Variants in LRRC4C observed in about 807,000 individuals in gnomAD.
The protein encoded by LRRC4C is leucine rich repeat containing 4C, also known as leucine-rich repeat-containing protein 4C.
In LRRC4C, 5 loss-of-function variants were observed where a neutral mutation model predicts 33.6. The observed-to-expected ratio is 0.15, with a 90% CI of 0.08 to 0.31. The LOEUF (loss-of-function observed/expected upper bound fraction) is 0.31. Among genes scored for constraint, LRRC4C ranks in the 10% least tolerant of loss-of-function variants. The pLI is 1.00. For synonymous variants in LRRC4C, 329 were observed against 302.0 expected (o/e 1.09, Z -0.93); for missense variants, 560 against 796.7 (o/e 0.70, Z 3.58).
At chr11:40,489,891 A>G (rs944874737) in intron 3 of LRRC4C, among the ~76,000 whole-genome samples, 2 of 152,150 alleles carry the variant, frequency 1.3e-5, no homozygotes, top group Non-Finnish European at 2.9e-5. Flanking sequence ...TTCATTTAAC[A>G]TACATTTATT....
At chr11:40,997,560 AG>A (rs2137331313) in intron 1 of LRRC4C, among the ~76,000 whole-genome samples, 1 of 152,260 alleles carries the variant, frequency 6.6e-6, no homozygotes, top group South Asian at 2.1e-4. Context: ...ATTTTGAAAA[AG>A]TTAGTTGTGA....
At chr11:40,661,763 A>C (rs983070561) in intron 2 of LRRC4C, among the ~76,000 whole-genome samples, 2 of 152,224 alleles carry the variant, frequency 1.3e-5, no homozygotes, top group African/African-American at 4.8e-5. Flanking sequence ...ATTGCTACTA[A>C]CTGCTATATG....
At chr11:40,494,113 T>C (rs2138545721) in intron 3 of LRRC4C, among the ~76,000 whole-genome samples, 1 of 152,190 alleles carries the variant, frequency 6.6e-6, no homozygotes, top group Non-Finnish European at 1.5e-5. Flanking sequence ...ATTGCTACCA[T>C]CGTGGGGTTC....
intron 1 of LRRC4C, among the ~76,000 whole-genome samples, chr11:40,944,032 C>T (rs572802251): frequency 1.3e-4 from 20 of 152,232 alleles, no homozygotes; most frequent in African/African-American, 4.3e-4. Flanking sequence ...GTCCTAAATA[C>T]GGACGGTAAA....
chr11:40,220,719 C>G (rs1864343167), intron 5 of LRRC4C, among the ~76,000 whole-genome samples: 1 of 151,908 alleles, frequency 6.6e-6, no homozygotes, highest in Non-Finnish European at 1.5e-5. Context: ...TTTTTTCTTA[C>G]TGTGAATGAA....
chr11:40,754,230 T>G (rs890996948), intron 2 of LRRC4C, among the ~76,000 whole-genome samples: 2 of 152,126 alleles, frequency 1.3e-5, no homozygotes, highest in African/African-American at 4.8e-5. Flanking sequence ...CTGGCTATCC[T>G]GACTCTAATA....
rs531039635 is a variant in LRRC4C at position 40,978,528 on chromosome 11, C to A, written c.-495-44805G>T. On this transcript the variant is annotated intron_variant, in intron 1 of 6. Transcript: ENST00000528697. ...CATTCTACAGTACATAGGACAGCCC[C>A]CTTCACAACAAAAGATTATCTGTCC... Among the ~76,000 whole-genome samples the A allele has an allele frequency of 4.6e-5, 7 of 152,256 alleles. No individual in the cohort carries two copies. In the South Asian group the frequency reaches 1.5e-3, roughly 32 times the overall value.
intron 3 of LRRC4C, among the ~76,000 whole-genome samples, chr11:40,532,611 A>G (rs867460564): frequency 6.6e-6 from 1 of 151,824 alleles, no homozygotes; most frequent in Non-Finnish European, 1.5e-5. Flanking sequence ...TAAGGGGTAT[A>G]AGATGAAAAA....
intron 2 of LRRC4C, among the ~76,000 whole-genome samples, chr11:40,772,647 G>A (rs185911985): frequency 6.6e-6 from 1 of 152,164 alleles, no homozygotes; most frequent in South Asian, 2.1e-4. Context: ...AAACTACATT[G>A]AGATATCATC....
chr11:41,394,501 T>G (rs1450693751), intron 1 of LRRC4C: 1 of 151,942 alleles, frequency 6.6e-6, no homozygotes, highest in Non-Finnish European at 1.5e-5. Flanking sequence ...AAAGCCAGCC[T>G]GGCTACTGAG....
At chr11:41,325,905 A>T (rs1264774576) in intron 1 of LRRC4C, among the ~76,000 whole-genome samples, 3 of 152,150 alleles carry the variant, frequency 2.0e-5, no homozygotes, top group African/African-American at 7.2e-5. Context: ...GATAACTATT[A>T]GGTACTGGGC....
intron 3 of LRRC4C, among the ~76,000 whole-genome samples, chr11:40,639,865 C>T (rs1415864114): frequency 1.3e-5 from 2 of 152,036 alleles, no homozygotes; most frequent in Non-Finnish European, 2.9e-5. Flanking sequence ...GAAAGTGATG[C>T]ACGGCCAATG....
At chr11:40,368,739 A>G (rs1395907648) in intron 3 of LRRC4C, among the ~76,000 whole-genome samples, 1 of 152,220 alleles carries the variant, frequency 6.6e-6, no homozygotes, top group African/African-American at 2.4e-5. Flanking sequence ...GTTTTGCCAT[A>G]CAAAGATAAG....
intron 5 of LRRC4C, among the ~76,000 whole-genome samples, chr11:40,162,900 C>T (rs79177763): frequency 1.2e-3 from 186 of 152,282 alleles, no homozygotes; most frequent in African/African-American, 4.0e-3. Context: ...TAGGATTTAA[C>T]TCTCAACTCT....
intron 1 of LRRC4C, among the ~76,000 whole-genome samples, chr11:41,348,839 G>C (rs1042558915): frequency 2.6e-5 from 4 of 152,164 alleles, no homozygotes; most frequent in African/African-American, 9.7e-5. Context: ...AGCTGCAGGA[G>C]ACTGGACAAC....
chr11:40,413,713 G>A (rs1950228550), intron 3 of LRRC4C, among the ~76,000 whole-genome samples: 1 of 152,104 alleles, frequency 6.6e-6, no homozygotes, highest in African/African-American at 2.4e-5. Flanking sequence ...GTAATGAAGT[G>A]AATGTTGTTT....
chr11:40,325,823 T>C (rs371465231), intron 3 of LRRC4C, among the ~76,000 whole-genome samples: 1 of 152,128 alleles, frequency 6.6e-6, no homozygotes, highest in Non-Finnish European at 1.5e-5. Flanking sequence ...ATAGCCTTTA[T>C]TGGTGAAATT....
At chr11:41,177,816 A>G (rs1565454134) in intron 1 of LRRC4C, among the ~76,000 whole-genome samples, 1 of 152,222 alleles carries the variant, frequency 6.6e-6, no homozygotes, top group Non-Finnish European at 1.5e-5. Context: ...GCCCACTACT[A>G]AAACACAGTC....
At chr11:40,134,534 A>C (rs1196212857) in intron 6 of LRRC4C, among the ~76,000 whole-genome samples, 1 of 152,198 alleles carries the variant, frequency 6.6e-6, no homozygotes, top group African/African-American at 2.4e-5. Flanking sequence ...GGAAGGGAAA[A>C]GGACAGTGGG....
Sources: gnomAD v4.1 joint callset for allele counts (sites outside exome capture counted in the v4.1 genomes callset) on GRCh38, gnomAD v4.1.1 for gene constraint, MANE v1.5 for transcripts, NCBI Gene and HGNC (gene_info 2026-07-23, HGNC 2026-07-21) for gene names.